FTO: variants seen among roughly 807,000 people sequenced by gnomAD.
FTO encodes FTO alpha-ketoglutarate dependent dioxygenase.
In FTO, 47 loss-of-function variants were observed where a neutral mutation model predicts 63.9. The ratio of observed to expected loss-of-function variants is 0.74; its 90% CI spans 0.58 to 0.94. FTO has a LOEUF of 0.94. FTO is among the 40% of genes least tolerant of loss of function. The probability of loss-of-function intolerance (pLI) is 0.00; values close to 1 mark genes in which losing one functional copy is unlikely to be tolerated. For missense variants in FTO, 562 were observed against 618.1 expected, an observed-to-expected ratio of 0.91 and a Z score of 0.96; for synonymous variants, 207 against 224.4, an observed-to-expected ratio of 0.92 and a Z score of 0.69.
At chr16:54,092,303 G>A (rs2086405322) in intron 8 of FTO, among the ~76,000 whole-genome samples, 1 of 152,082 alleles carries the variant, frequency 6.6e-6, no homozygotes, top group South Asian at 2.1e-4. Flanking sequence ...AAAACATTAA[G>A]AGGAAAAGGG....
intron 8 of FTO, among the ~76,000 whole-genome samples, chr16:54,090,211 T>C (rs1293983244): frequency 6.6e-6 from 1 of 152,226 alleles, no homozygotes; most frequent in African/African-American, 2.4e-5. Context: ...TTCTAAGGAA[T>C]GAAATTGAAA....
At chr16:53,821,536 T>C (rs1406156504) in intron 2 of FTO, among the ~76,000 whole-genome samples, 1 of 152,232 alleles carries the variant, frequency 6.6e-6, no homozygotes, top group Admixed American at 6.5e-5. Context: ...AACTAAAATA[T>C]GGAAACTCAA....
chr16:53,771,835 C>T lies in FTO; in HGVS notation c.46-38305C>T, dbSNP rs1027786522. 8.5e-5 allele frequency among the ~76,000 whole-genome samples: 13 copies of T among 152,118 alleles called. No homozygotes were observed. In the East Asian group the frequency reaches 2.5e-3, roughly 29 times the overall value. ...CTATAAAATGGTTGAACTTTGAAAC[C>T]ATATGCTCCGTAAAAGAAGCCAGTG... On this transcript the variant is annotated intron_variant, in intron 1 of 8. Coordinates refer to ENST00000471389, the MANE Select transcript of FTO (RefSeq NM_001080432.3).
intron 1 of FTO, among the ~76,000 whole-genome samples, chr16:53,802,605 T>C (rs2078256400): frequency 6.6e-6 from 1 of 152,100 alleles, no homozygotes; most frequent in Non-Finnish European, 1.5e-5. Context: ...TTTCATCAAA[T>C]TTGGAAAATA....
chr16:53,879,949 C>T lies in FTO; in HGVS notation c.1081C>T (p.Pro361Ser), dbSNP rs369714221. 50 of 1,613,726 alleles carry T rather than the reference C, an allele frequency of 3.1e-5. No individual in the cohort carries two copies. The African/African-American group carries it at 6.3e-4, about 20-fold the overall frequency. ...NDDVSLKSFE[P>S]AVLKQGEEIH... ...TGATGTCTCTTTGAAATCCTTTGAG[C>T]CTGCAGTTTTGAAACAAGGAGAAGA... The change falls in exon 6 of 9, where the codon CCT (proline) becomes TCT (serine). Residue 361 changes from proline (P) to serine (S), a missense_variant. Pro to Ser is a moderately conservative substitution (Grantham distance 74, BLOSUM62 -1). Coordinates refer to ENST00000471389, the MANE Select transcript of FTO (RefSeq NM_001080432.3).
intron 1 of FTO, among the ~76,000 whole-genome samples, chr16:53,745,578 T>A (rs73609973): frequency 6.6e-6 from 1 of 152,198 alleles, no homozygotes; most frequent in African/African-American, 2.4e-5. Context: ...AAAGATAAGA[T>A]AGATTTTTAT....
chr16:53,775,828 G>A (rs2077446152), intron 1 of FTO, among the ~76,000 whole-genome samples: 1 of 152,136 alleles, frequency 6.6e-6, no homozygotes, highest in Non-Finnish European at 1.5e-5. Context: ...CTTAGGCACA[G>A]AGTTTTTTTC....
intron 4 of FTO, among the ~76,000 whole-genome samples, chr16:53,873,251 T>C (rs1404979672): frequency 6.6e-6 from 1 of 152,090 alleles, no homozygotes; most frequent in Non-Finnish European, 1.5e-5. Context: ...AGAAGCTCAA[T>C]TCATATATAG....
intron 1 of FTO, among the ~76,000 whole-genome samples, chr16:53,800,849 A>ATT (rs149519344): frequency 0.099 from 14,990 of 151,966 alleles, 898 homozygotes; most frequent in Middle Eastern, 0.24. Flanking sequence ...TTCTTTACAA[A>ATT]TCTTTTTTTA....
intron 2 of FTO, among the ~76,000 whole-genome samples, chr16:53,819,370 C>T (rs771787778): frequency 2.6e-5 from 4 of 152,116 alleles, no homozygotes; most frequent in Non-Finnish European, 5.9e-5. Flanking sequence ...GGGGATTTCA[C>T]CTTGTTGCCC....
At chr16:53,890,126 T>C (rs1348438966) in intron 7 of FTO, among the ~76,000 whole-genome samples, 1 of 152,098 alleles carries the variant, frequency 6.6e-6, no homozygotes, top group Non-Finnish European at 1.5e-5. Flanking sequence ...TGGAATGTAG[T>C]AGAAAAGTGG....
chr16:53,995,265 C>T (rs1424248394), intron 8 of FTO, among the ~76,000 whole-genome samples: 1 of 152,252 alleles, frequency 6.6e-6, no homozygotes, highest in African/African-American at 2.4e-5. Flanking sequence ...GTGTCCCCAA[C>T]TGCCACCAGG....
chr16:53,945,155 C>G (rs1293401375), intron 8 of FTO, among the ~76,000 whole-genome samples: 1 of 152,212 alleles, frequency 6.6e-6, no homozygotes, highest in African/African-American at 2.4e-5. Context: ...TCTTCCAGCT[C>G]TCACAAGGAG....
At chr16:54,026,452 T>C (rs2084717852) in intron 8 of FTO, among the ~76,000 whole-genome samples, 1 of 152,196 alleles carries the variant, frequency 6.6e-6, no homozygotes, top group Non-Finnish European at 1.5e-5. Context: ...AATCTCTACC[T>C]AGACTCCATT....
chr16:53,797,773 G>C (rs1329764119), intron 1 of FTO, among the ~76,000 whole-genome samples: 1 of 152,016 alleles, frequency 6.6e-6, no homozygotes, highest in Non-Finnish European at 1.5e-5. Flanking sequence ...CATGAGAGCA[G>C]TGTATAAGAG....
At chr16:53,895,728 C>T (rs550313776) in intron 7 of FTO, among the ~76,000 whole-genome samples, 1 of 152,254 alleles carries the variant, frequency 6.6e-6, no homozygotes. Context: ...GTACCAAGTC[C>T]TAGGATGTGC....
At chr16:53,911,279 A>T in intron 7 of FTO, 1 of 666,990 alleles carries the variant, frequency 1.5e-6, no homozygotes, top group Admixed American at 2.1e-5. Context: ...AGGAGAACAA[A>T]GTAGGGTGAC....
chr16:53,777,503 T>A (rs187218858), intron 1 of FTO, among the ~76,000 whole-genome samples: 2 of 152,370 alleles, frequency 1.3e-5, no homozygotes, highest in Non-Finnish European at 2.9e-5. Flanking sequence ...TATTAAAATC[T>A]GTTGATCTCT....
At chr16:53,817,595 C>G (rs901286724) in intron 2 of FTO, among the ~76,000 whole-genome samples, 4 of 151,866 alleles carry the variant, frequency 2.6e-5, no homozygotes, top group African/African-American at 9.7e-5. Flanking sequence ...TCTCTCTACC[C>G]AAGGTTGAGT....
Sources: allele counts gnomAD v4.1 joint callset (sites outside exome capture counted in the v4.1 genomes callset), GRCh38; gene constraint gnomAD v4.1.1; transcripts MANE v1.5; gene names NCBI Gene and HGNC (gene_info 2026-07-23, HGNC 2026-07-21).